PTDSS1: variants seen among roughly 807,000 people sequenced by gnomAD.
The protein encoded by PTDSS1 is phosphatidylserine synthase 1, also known as PSS-1.
In PTDSS1, 45 loss-of-function variants were observed where a neutral mutation model predicts 70.5. That is an observed-to-expected ratio of 0.64 (90% CI 0.50 to 0.82). The LOEUF (loss-of-function observed/expected upper bound fraction) is 0.82, where lower values mean the gene tolerates loss of function less well. PTDSS1 is among the 40% of genes least tolerant of loss of function. The pLI is 0.00. For synonymous variants in PTDSS1, 188 were observed against 203.8 expected (o/e 0.92, Z 0.66); for missense variants, 417 against 586.1 (o/e 0.71, Z 2.98).
intron 2 of PTDSS1, among the ~76,000 whole-genome samples, chr8:96,282,511 C>T (rs571282950): frequency 6.6e-5 from 10 of 152,154 alleles, no homozygotes; most frequent in Non-Finnish European, 1.5e-4. Context: ...TTCTCACTAC[C>T]TGCCATCCAA....
intron 9 of PTDSS1, among the ~76,000 whole-genome samples, chr8:96,318,448 A>C (rs1811327004): frequency 6.6e-6 from 1 of 152,200 alleles, no homozygotes; most frequent in Admixed American, 6.5e-5. Context: ...CAACACTCCC[A>C]TCATAGGAGT....
At chr8:96,296,968 T>C (rs1810984764) in intron 5 of PTDSS1, among the ~76,000 whole-genome samples, 1 of 152,200 alleles carries the variant, frequency 6.6e-6, no homozygotes, top group Non-Finnish European at 1.5e-5. Flanking sequence ...TCCCAGTGCC[T>C]GTGGTCACCA....
At chr8:96,279,257 A>G (rs1224203743) in intron 2 of PTDSS1, among the ~76,000 whole-genome samples, 2 of 151,778 alleles carry the variant, frequency 1.3e-5, no homozygotes, top group Non-Finnish European at 2.9e-5. Flanking sequence ...TTGGGATTAC[A>G]GGCATGAGCC....
rs1251049320 is a variant in PTDSS1, at chr8:96,333,774, A to G, written c.*208A>G. The G allele has an allele frequency of 1.4e-6, 1 of 704,544 alleles. No individual in the cohort carries two copies. Among genetic ancestry groups the G allele is most frequent in the South Asian group, 1.5e-5 (1 of 67,378 alleles). 43.6% of individuals were successfully genotyped at this position (704,544 alleles called of 1,614,324 possible). A position where few individuals can be genotyped will look rare whatever the true frequency, so the allele number is the denominator to read the frequency against. ...ATCATCGCCTGGGGGGCCTTTGCCA[A>G]CGTGGGGTCTCTTCTAACTTCAGCA... On this transcript the variant is annotated 3_prime_UTR_variant, in exon 13 of 13. Coordinates refer to ENST00000517309, the MANE Select transcript of PTDSS1 (RefSeq NM_014754.3).
At chr8:96,297,128 A>T (rs1810986984) in intron 5 of PTDSS1, among the ~76,000 whole-genome samples, 1 of 151,650 alleles carries the variant, frequency 6.6e-6, no homozygotes, top group Non-Finnish European at 1.5e-5. Context: ...TCCTCTTTAG[A>T]CCCCACCAGA....
intron 2 of PTDSS1, among the ~76,000 whole-genome samples, chr8:96,274,195 AG>A (rs1472424889): frequency 6.7e-6 from 1 of 149,642 alleles, no homozygotes; most frequent in Non-Finnish European, 1.5e-5. Flanking sequence ...AGTCTTTCTT[AG>A]GGGTTATTCT....
intron 9 of PTDSS1, among the ~76,000 whole-genome samples, chr8:96,310,852 G>A (rs1026603520): frequency 1.3e-5 from 2 of 151,126 alleles, no homozygotes; most frequent in Non-Finnish European, 2.9e-5. Context: ...TGCAACCTCC[G>A]CCTCCCAGGT....
At chr8:96,270,964 T>C (rs1432672987) in intron 1 of PTDSS1, among the ~76,000 whole-genome samples, 2 of 152,212 alleles carry the variant, frequency 1.3e-5, no homozygotes, top group South Asian at 4.1e-4. Flanking sequence ...AGCATTTTGA[T>C]TGGTAGATAA....
At chr8:96,302,386 T>G (rs1294947058) in intron 6 of PTDSS1, among the ~76,000 whole-genome samples, 1 of 152,160 alleles carries the variant, frequency 6.6e-6, no homozygotes, top group Non-Finnish European at 1.5e-5. Flanking sequence ...TAGCCATGCT[T>G]CAAGTATTGC....
rs565405753 is a variant in PTDSS1 at position 96,292,125 on chromosome 8, C to A, written c.442-2973C>A. 1.1e-4 allele frequency among the ~76,000 whole-genome samples: 16 copies of A among 151,700 alleles called. No individual in the cohort carries two copies. The East Asian group carries it at 2.5e-3, about 24-fold the overall frequency. Reference sequence around the variant, plus strand: ...CATGTTTGAGACCAACATGGTGAAACCCTGTCTCTACTAAAAATATGAAAA... The same window carrying A: ...CATGTTTGAGACCAACATGGTGAAAACCTGTCTCTACTAAAAATATGAAAA... On this transcript the variant is annotated intron_variant, in intron 4 of 12. Transcript: ENST00000517309.
chr8:96,302,023 G>A (rs185583641), intron 6 of PTDSS1, among the ~76,000 whole-genome samples: 17 of 151,926 alleles, frequency 1.1e-4, no homozygotes, highest in Non-Finnish European at 2.4e-4. Flanking sequence ...TAATTTTTAT[G>A]TATTTGTTTT....
At chr8:96,323,662 T>A (rs541870508) in intron 10 of PTDSS1, among the ~76,000 whole-genome samples, 37 of 152,190 alleles carry the variant, frequency 2.4e-4, no homozygotes, top group Non-Finnish European at 4.4e-4. Context: ...CATTCTGCCC[T>A]CTTAGAGCTC....
At chr8:96,275,706 C>T (rs1180454489) in intron 2 of PTDSS1, among the ~76,000 whole-genome samples, 3 of 152,298 alleles carry the variant, frequency 2.0e-5, no homozygotes, top group East Asian at 1.9e-4. Context: ...TACATACCAA[C>T]GCAAGGCTGA....
chr8:96,277,009 CA>C (rs1158101020), intron 2 of PTDSS1, among the ~76,000 whole-genome samples: 19 of 152,134 alleles, frequency 1.2e-4, no homozygotes, highest in East Asian at 1.9e-4. Flanking sequence ...CACACACACA[CA>C]CACCACCATT....
At chr8:96,323,691 G>A (rs534110927) in intron 10 of PTDSS1, among the ~76,000 whole-genome samples, 1 of 152,294 alleles carries the variant, frequency 6.6e-6, no homozygotes, top group African/African-American at 2.4e-5. Context: ...TGATGGGAGG[G>A]GCAGCCTTGA....
At chr8:96,266,877 C>CT (rs1391140067) in intron 1 of PTDSS1, among the ~76,000 whole-genome samples, 1 of 151,856 alleles carries the variant, frequency 6.6e-6, no homozygotes, top group African/African-American at 2.4e-5. Flanking sequence ...GTCCATAATA[C>CT]GATTTCTAAT....
chr8:96,263,341 G>C (rs180980644), intron 1 of PTDSS1, among the ~76,000 whole-genome samples: 3 of 152,242 alleles, frequency 2.0e-5, no homozygotes, highest in African/African-American at 7.2e-5. Context: ...TAAAGAAAGG[G>C]AAGTCACACC....
At chr8:96,302,590 T>C (rs1811065803) in intron 6 of PTDSS1, among the ~76,000 whole-genome samples, 1 of 151,784 alleles carries the variant, frequency 6.6e-6, no homozygotes, top group Non-Finnish European at 1.5e-5. Context: ...TTGTTGTTGT[T>C]GTTGTTTTTG....
At chr8:96,290,773 C>G (rs778975588) in intron 4 of PTDSS1, among the ~76,000 whole-genome samples, 28 of 151,256 alleles carry the variant, frequency 1.9e-4, no homozygotes, top group Non-Finnish European at 3.5e-4. Flanking sequence ...CTTGATAGAC[C>G]ATGATCCATG....
Sources: allele counts gnomAD v4.1 joint callset (sites outside exome capture counted in the v4.1 genomes callset), GRCh38; gene constraint gnomAD v4.1.1; transcripts MANE v1.5; gene names NCBI Gene and HGNC (gene_info 2026-07-23, HGNC 2026-07-21).